The following CTNNBL1 variants were observed in gnomAD, a reference collection of about 807,000 sequenced individuals.
CTNNBL1 encodes beta-catenin-like protein 1.
A neutral mutation model predicts 72.7 loss-of-function variants in CTNNBL1; 31 were observed. The observed-to-expected ratio is 0.43, with a 90% CI of 0.32 to 0.58. CTNNBL1 has a LOEUF of 0.58. Among genes scored for constraint, CTNNBL1 ranks in the 20% least tolerant of loss-of-function variants. CTNNBL1 has a pLI of 0.08. For synonymous variants in CTNNBL1, 240 were observed against 267.3 expected (o/e 0.90, Z 1.00); for missense variants, 534 against 725.1 (o/e 0.74, Z 3.03).
chr20:37,730,923 G>C (rs2073122767), intron 1 of CTNNBL1, among the ~76,000 whole-genome samples: 1 of 152,110 alleles, frequency 6.6e-6, no homozygotes, highest in Non-Finnish European at 1.5e-5. Flanking sequence ...TGCACGAGTG[G>C]TTTTGTGATC....
rs573429175 is a variant in CTNNBL1 at position 37,767,795 on chromosome 20, G to A, written c.659-158G>A. Among the ~76,000 whole-genome samples the A allele has an allele frequency of 8.5e-5, 13 of 152,332 alleles. No individual in the cohort carries two copies. In the South Asian group the frequency reaches 2.7e-3, roughly 32 times the overall value. On this transcript the variant is annotated intron_variant, in intron 6 of 15. Coordinates refer to ENST00000361383, the MANE Select transcript of CTNNBL1 (RefSeq NM_030877.5). ...GCATAACTGGAAGAAGAAAACCACAGCAACTCCCTGGTTAATCTGAAAATG... is the reference window on the plus strand; with the variant it reads ...GCATAACTGGAAGAAGAAAACCACAACAACTCCCTGGTTAATCTGAAAATG...
At chr20:37,810,114 G>A (rs983136102) in intron 11 of CTNNBL1, among the ~76,000 whole-genome samples, 1 of 152,002 alleles carries the variant, frequency 6.6e-6, no homozygotes, top group Non-Finnish European at 1.5e-5. Flanking sequence ...ACACAGTGTC[G>A]GGGGTATCTT....
intron 10 of CTNNBL1, among the ~76,000 whole-genome samples, chr20:37,792,876 T>A (rs1262324187): frequency 6.6e-6 from 1 of 152,234 alleles, no homozygotes; most frequent in African/African-American, 2.4e-5. Flanking sequence ...ATTAATTTCT[T>A]TTCTGATTCA....
At chr20:37,836,452 CT>C (rs1477651445) in intron 11 of CTNNBL1, among the ~76,000 whole-genome samples, 9 of 152,162 alleles carry the variant, frequency 5.9e-5, no homozygotes, top group Admixed American at 5.9e-4. Flanking sequence ...TTCCTTCTGC[CT>C]GGAATGTTCT....
At chr20:37,859,034 C>A (rs905761794) in intron 13 of CTNNBL1, among the ~76,000 whole-genome samples, 2 of 152,170 alleles carry the variant, frequency 1.3e-5, no homozygotes, top group Non-Finnish European at 2.9e-5. Context: ...CTTACGATAA[C>A]ATTGCATCCT....
chr20:37,751,068 A>G (rs1477744489), intron 4 of CTNNBL1: 5 of 151,458 alleles, frequency 3.3e-5, no homozygotes, highest in African/African-American at 9.7e-5. Context: ...CATTCCTCCT[A>G]CTCCGGATGG....
intron 10 of CTNNBL1, among the ~76,000 whole-genome samples, chr20:37,799,788 T>C (rs1271039247): frequency 6.6e-6 from 1 of 152,224 alleles, no homozygotes; most frequent in Admixed American, 6.5e-5. Flanking sequence ...CATTTGTGAA[T>C]CTTTGTATTG....
At chr20:37,715,485 T>A (rs2072978043) in intron 1 of CTNNBL1, among the ~76,000 whole-genome samples, 1 of 152,248 alleles carries the variant, frequency 6.6e-6, no homozygotes, top group Admixed American at 6.5e-5. Flanking sequence ...GAATTCTTTA[T>A]GGTTTCTGTA....
intron 1 of CTNNBL1, among the ~76,000 whole-genome samples, chr20:37,696,636 G>A (rs2122532381): frequency 6.6e-6 from 1 of 151,182 alleles, no homozygotes; most frequent in East Asian, 2.0e-4. Context: ...TAGAGATGGG[G>A]TTTCTCCATG....
intron 1 of CTNNBL1, chr20:37,694,912 A>G (rs6020251): frequency 0.81 from 123,059 of 152,202 alleles, 50,423 homozygotes; most frequent in African/African-American, 0.95. Context: ...TTTTTCCCCC[A>G]CTTTGATTCC....
chr20:37,752,857 A>G (rs2073332989), intron 4 of CTNNBL1, among the ~76,000 whole-genome samples: 1 of 152,130 alleles, frequency 6.6e-6, no homozygotes, highest in African/African-American at 2.4e-5. Context: ...AAAATAGGCT[A>G]TCAAAAACTG....
At chr20:37,731,140 C>T (rs183100497) in intron 1 of CTNNBL1, among the ~76,000 whole-genome samples, 6 of 152,030 alleles carry the variant, frequency 3.9e-5, no homozygotes, top group South Asian at 2.1e-4. Flanking sequence ...TATTTAAAAT[C>T]GTTTTATCAA....
chr20:37,765,625 A>T (rs1295027214), intron 6 of CTNNBL1, among the ~76,000 whole-genome samples: 1 of 152,226 alleles, frequency 6.6e-6, no homozygotes, highest in East Asian at 1.9e-4. Context: ...GTATATTTAA[A>T]CATTTTAAAT....
chr20:37,736,320 G>A (rs1426877375), intron 2 of CTNNBL1, among the ~76,000 whole-genome samples: 1 of 152,166 alleles, frequency 6.6e-6, no homozygotes, highest in South Asian at 2.1e-4. Context: ...TTTGGCTCAT[G>A]GGCTGCAGTT....
At position 37,708,913 on chromosome 20, in the gene CTNNBL1, C is replaced by T. The variant is rs577309431; in HGVS notation, c.30+14761C>T. ...CAGCACTTTGGGACGCCGAGGTGGG[C>T]GAATTATGAGGTCAAGAGATCGAGA... On this transcript the variant is annotated intron_variant, in intron 1 of 15. Transcript: ENST00000361383. Among the ~76,000 whole-genome samples, 12 of 152,072 alleles carry T rather than the reference C, an allele frequency of 7.9e-5. 1 individual carries two copies. In the South Asian group the frequency reaches 8.3e-4, roughly 11 times the overall value.
At chr20:37,714,606 G>T (rs2072970083) in intron 1 of CTNNBL1, among the ~76,000 whole-genome samples, 1 of 152,204 alleles carries the variant, frequency 6.6e-6, no homozygotes, top group African/African-American at 2.4e-5. Flanking sequence ...TGACTCTAAA[G>T]CAGGAGATTG....
intron 1 of CTNNBL1, among the ~76,000 whole-genome samples, chr20:37,726,778 G>A (rs987594417): frequency 6.6e-6 from 1 of 152,202 alleles, no homozygotes; most frequent in South Asian, 2.1e-4. Flanking sequence ...CTTAGCCAGG[G>A]AACTTGGAAT....
chr20:37,743,825 A>T (rs2073238926), intron 3 of CTNNBL1, among the ~76,000 whole-genome samples: 1 of 152,146 alleles, frequency 6.6e-6, no homozygotes, highest in Admixed American at 6.5e-5. Flanking sequence ...TAAATTTCAG[A>T]TAGATTAAAT....
rs1286806884 is a variant in CTNNBL1, at chr20:37,759,838, A to AT, written c.564+2185dup. ...TACTCTTGGCTGCATTCAGGAAGAA[A>AT]TTTGATAAGTACTCTCATATTACAA... On this transcript the variant is annotated intron_variant, in intron 5 of 15. Transcript: ENST00000361383. 5.9e-5 allele frequency among the ~76,000 whole-genome samples: 9 copies of AT among 152,294 alleles called. No homozygotes were observed. In the South Asian group the frequency reaches 1.9e-3, roughly 32 times the overall value.
Sources: allele counts gnomAD v4.1 joint callset (sites outside exome capture counted in the v4.1 genomes callset), GRCh38; gene constraint gnomAD v4.1.1; transcripts MANE v1.5; gene names NCBI Gene and HGNC (gene_info 2026-07-23, HGNC 2026-07-21).